PRDM1: variants seen among roughly 807,000 people sequenced by gnomAD.
PRDM1 encodes the protein PR domain zinc finger protein 1.
Under a neutral mutation model 62.8 loss-of-function variants are expected in PRDM1, and 13 were observed. The observed-to-expected ratio is 0.21, with a 90% CI of 0.13 to 0.33. The LOEUF (loss-of-function observed/expected upper bound fraction) is 0.33, where lower values mean the gene tolerates loss of function less well. Ranked by LOEUF, PRDM1 falls within the 10% of genes least tolerant of loss-of-function variation. The pLI is 1.00. For missense variants in PRDM1, 895 were observed against 1,058.8 expected, an observed-to-expected ratio of 0.85 and a Z score of 2.15; for synonymous variants, 396 against 417.6, an observed-to-expected ratio of 0.95 and a Z score of 0.63.
upstream of PRDM1, chr6:106,086,267 G>A (rs1773799713): frequency 2.5e-6 from 1 of 406,978 alleles, no homozygotes; most frequent in Non-Finnish European, 4.4e-6. Flanking sequence ...GGCCACGTTG[G>A]CCACGCCCCC....
rs778512916 is a variant in PRDM1, at chr6:106,105,432, C to T, written c.1272C>T (p.Gly424=). The T allele has an allele frequency of 3.2e-5, 52 of 1,614,070 alleles. No homozygotes were observed. Among genetic ancestry groups the T allele is most frequent in the South Asian group, 2.7e-4 (25 of 91,088 alleles). ...CCCCCTACGGCATGAATTGTAATGG[C>T]CTGAGCGCTGTGAGCAGCATGAATG... ...LLPPYGMNCN[G]LSAVSSMNGI... Residue 424 remains glycine, a synonymous_variant, in exon 5 of 7, where the codon GGC becomes GGT. Transcript: ENST00000369096.
intron 1 of PRDM1, among the ~76,000 whole-genome samples, chr6:106,080,316 T>C (rs1773675354): frequency 6.6e-6 from 1 of 152,188 alleles, no homozygotes; most frequent in African/African-American, 2.4e-5. Flanking sequence ...TAATCACTGA[T>C]GTGCCCGTGA....
In PRDM1 at chr6:106,108,444, C is replaced by CCAAAG. The variant is rs1334050840; in HGVS notation, c.*961_*965dup. 1 of 232,294 alleles carries CCAAAG rather than the reference C, an allele frequency of 4.3e-6. No individual in the cohort carries two copies. Among genetic ancestry groups the CCAAAG allele is most frequent in the Non-Finnish European group, 8.5e-6 (1 of 117,878 alleles). The allele number at this position is 232,294 out of a possible 1,614,324, so 14.4% of individuals were successfully genotyped here. On this transcript the variant is annotated 3_prime_UTR_variant, in exon 7 of 7. Transcript: ENST00000369096. ...TTTTAAAACCACTGCGAAAATTTCCCCAAAGCATAGGTGGCTTTGTGTGTG... is the reference window on the plus strand; with the variant it reads ...TTTTAAAACCACTGCGAAAATTTCCCCAAAGCAAAGCATAGGTGGCTTTGTGTGTG...
At chr6:106,070,354 G>A (rs1051570232) in intron 1 of PRDM1, among the ~76,000 whole-genome samples, 32 of 152,000 alleles carry the variant, frequency 2.1e-4, no homozygotes, top group African/African-American at 7.7e-4. Flanking sequence ...TTTTAATCCA[G>A]GGACTTACCT....
chr6:106,089,077 G>A (rs752390422), intron 2 of PRDM1, among the ~76,000 whole-genome samples: 1 of 152,204 alleles, frequency 6.6e-6, no homozygotes, highest in Non-Finnish European at 1.5e-5. Flanking sequence ...TTCCTTACTG[G>A]CCTCTGAAGT....
rs1161576793 is a variant in PRDM1 at position 106,107,188 on chromosome 6, A to G, written c.2180A>G (p.Asn727Ser). Residue 727 changes from asparagine (N) to serine (S), a missense_variant, in exon 7 of 7, where the codon AAT becomes AGT. Around this residue, in one of 4 missense-constraint regions of PRDM1, gnomAD observed 164 missense variants for 179.9 expected, o/e 0.91. Transcript: ENST00000369096. ...GLPLEDLTRI[N>S]EEIEKFDISD... ...CCCTTGGAAGATCTGACCCGAATCA[A>G]TGAAGAAATCGAGAAGTTTGACATC... 7 of 1,614,194 alleles carry G rather than the reference A, an allele frequency of 4.3e-6. 1 individual carries two copies. In the Middle Eastern group the frequency reaches 4.9e-4, roughly 114 times the overall value.
chr6:106,107,321 C>G lies in PRDM1; in HGVS notation c.2313C>G (p.Gly771=), dbSNP rs757864467. The change falls in exon 7 of 7, where the codon GGC becomes GGG. Residue 771 remains glycine, a synonymous_variant. Coordinates refer to ENST00000369096, the MANE Select transcript of PRDM1 (RefSeq NM_001198.4). ...TCAGAAAAGAGAAAGAAGAAACTGG[C>G]CTGAAAGTGTCTTTGCAAAGAAACA... ...AVVRKEKEET[G]LKVSLQRNMG... is the part of the protein sequence containing the mutation. The G allele has an allele frequency of 3.1e-6, 5 of 1,613,928 alleles. No homozygotes were observed. The highest frequency in any genetic ancestry group is 4.2e-6 in the Non-Finnish European group (5 of 1,180,020).
At chr6:106,020,918 A>C (rs6931071) in intron 1 of PRDM1, among the ~76,000 whole-genome samples, 138,438 of 152,274 alleles carry the variant, frequency 0.91, 63,063 homozygotes, top group African/African-American at 0.95. Context: ...CCAGCAGTCA[A>C]ACCTGCACCC....
intron 1 of PRDM1, among the ~76,000 whole-genome samples, chr6:106,034,605 T>G (rs1562149378): frequency 6.6e-6 from 1 of 151,216 alleles, no homozygotes; most frequent in African/African-American, 2.4e-5. Flanking sequence ...GAGATAACAC[T>G]ACAGTCTTAC....
At chr6:106,034,858 C>G (rs1289234068) in intron 1 of PRDM1, among the ~76,000 whole-genome samples, 3 of 152,030 alleles carry the variant, frequency 2.0e-5, no homozygotes, top group Admixed American at 6.6e-5. Context: ...TCTTGAACTC[C>G]TGACCTCAGG....
rs1380447921 is a variant in PRDM1 at position 106,105,563 on chromosome 6, G to C, written c.1403G>C (p.Ser468Thr). ...ATGCTCAACCCCACTTCTCTCCCGA[G>C]CTCGCTGCCCTCAGATGGAGCCCGG... ...HPMLNPTSLPSSLPSDGARRL... is the reference protein window; with the variant it reads ...HPMLNPTSLPTSLPSDGARRL... Residue 468 changes from serine to threonine, a missense_variant, in exon 5 of 7, where the codon AGC becomes ACC. Coordinates refer to ENST00000369096, the MANE Select transcript of PRDM1 (RefSeq NM_001198.4). The C allele has an allele frequency of 5.0e-6, 8 of 1,612,572 alleles. No homozygotes were observed. Among genetic ancestry groups the C allele is most frequent in the Non-Finnish European group, 6.8e-6 (8 of 1,179,070 alleles).
Position 106,088,394 on chromosome 6 carries a change from C to T in PRDM1, c.236C>T (p.Ala79Val), listed in dbSNP as rs1427730094. The T allele has an allele frequency of 1.9e-6, 3 of 1,614,118 alleles. No homozygotes were observed. Among genetic ancestry groups the T allele is most frequent in the Admixed American group, 1.7e-5 (1 of 60,024 alleles). ...SGADGGTSVQ[A>V]EASLPRNLLF... ...GCTGATGGCGGTACTTCGGTTCAGG[C>T]GGAGGCATCCTTACCAAGGAATCTG... Residue 79 changes from alanine to valine, a missense_variant, in exon 2 of 7, where the codon GCG becomes GTG. Transcript: ENST00000369096.
chr6:106,071,197 T>C (rs117433997), intron 1 of PRDM1, among the ~76,000 whole-genome samples: 10,367 of 152,022 alleles, frequency 0.068, 484 homozygotes, highest in Middle Eastern at 0.11. Flanking sequence ...TGCTTGAACC[T>C]GAGAAGGGGA....
At chr6:106,051,273 AG>A (rs1773169519) in intron 1 of PRDM1, among the ~76,000 whole-genome samples, 3 of 152,228 alleles carry the variant, frequency 2.0e-5, no homozygotes, top group Admixed American at 2.0e-4. Context: ...TAACTCTTTG[AG>A]TTGGACCTGG....
upstream of PRDM1, among the ~76,000 whole-genome samples, chr6:106,083,399 C>A (rs549971544): frequency 1.3e-5 from 2 of 151,600 alleles, no homozygotes; most frequent in Non-Finnish European, 2.9e-5. Flanking sequence ...AAGTTCCTTT[C>A]GAAAAAAAAA....
Position 106,105,407 on chromosome 6 carries a change from C to G in PRDM1, c.1247C>G (p.Pro416Arg), listed in dbSNP as rs756486414. The change falls in exon 5 of 7, where the codon CCC becomes CGC. Residue 416 changes from proline to arginine, a missense_variant. Around this residue, in one of 4 missense-constraint regions of PRDM1, gnomAD observed 444 missense variants for 422.7 expected, o/e 1.05. Transcript: ENST00000369096. ...YNAHYPKFLL[P>R]PYGMNCNGLS... is the part of the protein sequence containing the mutation. ...GCTCACTACCCCAAGTTCCTCTTGC[C>G]CCCCTACGGCATGAATTGTAATGGC... 41 of 1,614,194 alleles carry G rather than the reference C, an allele frequency of 2.5e-5. No individual in the cohort carries two copies. Among genetic ancestry groups the G allele is most frequent in the Non-Finnish European group, 3.2e-5 (38 of 1,180,042 alleles).
At chr6:105,999,484 G>GTTT (rs2114540884) in intron 1 of PRDM1, among the ~76,000 whole-genome samples, 1 of 151,896 alleles carries the variant, frequency 6.6e-6, no homozygotes, top group East Asian at 1.9e-4. Flanking sequence ...TGTTGTTGTT[G>GTTT]TTCAGCCAGG....
chr6:106,014,993 C>T (rs1772602982), intron 1 of PRDM1, among the ~76,000 whole-genome samples: 1 of 152,056 alleles, frequency 6.6e-6, no homozygotes, highest in Non-Finnish European at 1.5e-5. Flanking sequence ...CTGGGATGCC[C>T]GGTGAATTTC....
rs1462738854 is a variant in PRDM1, at chr6:106,086,464, G to C, written c.-90G>C. ...CGGGCGGCCGGACGAAGCGAGGAGG[G>C]ACCGCCGAGGTGCGCGTCTGTGCGG... is the stretch of plus-strand genomic sequence containing the variant. On this transcript the variant is annotated 5_prime_UTR_variant, in exon 1 of 7. Transcript: ENST00000369096. 2.2e-6 allele frequency: 3 copies of C among 1,336,260 alleles called. No individual in the cohort carries two copies. Among genetic ancestry groups the C allele is most frequent in the East Asian group, 2.5e-5 (1 of 39,348 alleles). 82.8% of individuals were successfully genotyped at this position (1,336,260 alleles called of 1,614,324 possible). A position where few individuals can be genotyped will look rare whatever the true frequency, so the allele number is the denominator to read the frequency against.
Sources: allele counts gnomAD v4.1 joint callset (sites outside exome capture counted in the v4.1 genomes callset), GRCh38; gene constraint gnomAD v4.1.1; regional missense constraint gnomAD v4.1.1; transcripts MANE v1.5; gene names NCBI Gene and HGNC (gene_info 2026-07-23, HGNC 2026-07-21).